The following NRG2 variants were observed in gnomAD, a reference collection of about 807,000 sequenced individuals.
The protein encoded by NRG2 is pro-neuregulin-2, membrane-bound isoform.
In NRG2, 27 loss-of-function variants were observed where a neutral mutation model predicts 73.9. That is an observed-to-expected ratio of 0.37 (90% CI 0.27 to 0.50). The LOEUF (loss-of-function observed/expected upper bound fraction) is 0.50. NRG2 is among the 20% of genes least tolerant of loss of function. The probability of loss-of-function intolerance (pLI) is 0.96; values close to 1 mark genes in which losing one functional copy is unlikely to be tolerated. For synonymous variants in NRG2, 532 were observed against 541.0 expected (o/e 0.98, Z 0.23); for missense variants, 1,126 against 1,210.1 (o/e 0.93, Z 1.03).
At chr5:139,942,945 A>G (rs567588630) in intron 1 of NRG2, among the ~76,000 whole-genome samples, 2 of 152,262 alleles carry the variant, frequency 1.3e-5, no homozygotes, top group Admixed American at 1.3e-4. Context: ...GTTTCAAGCA[A>G]TTCTCCCACC....
chr5:139,851,996 A>G lies in NRG2; in HGVS notation c.1545-165T>C, dbSNP rs535754917. Among the ~76,000 whole-genome samples, 2 of 152,274 alleles carry G rather than the reference A, an allele frequency of 1.3e-5. No individual in the cohort carries two copies. Among genetic ancestry groups the G allele is most frequent in the Non-Finnish European group, 2.9e-5 (2 of 68,016 alleles). On this transcript the variant is annotated intron_variant, in intron 8 of 9. Coordinates refer to ENST00000361474, the MANE Select transcript of NRG2 (RefSeq NM_004883.3). The surrounding 1 kb of genome is among the most constrained non-coding windows in gnomAD (Gnocchi z 4.2). ...TGTATTGTTGCAAATGCCCAACCCC[A>G]ATATTGGAAGAAGGAGGGCTGGGGT...
intron 1 of NRG2, among the ~76,000 whole-genome samples, chr5:140,006,532 G>T (rs953785869): frequency 6.6e-6 from 1 of 152,162 alleles, no homozygotes; most frequent in African/African-American, 2.4e-5. Context: ...TCTGAAAATT[G>T]GTTATAATAA....
At chr5:139,942,766 A>G (rs532185507) in intron 1 of NRG2, among the ~76,000 whole-genome samples, 2 of 152,226 alleles carry the variant, frequency 1.3e-5, no homozygotes, top group African/African-American at 4.8e-5. Flanking sequence ...TAATTAACTC[A>G]CCATTTGTAA....
At chr5:140,027,476 CA>C (rs1218114969) in intron 1 of NRG2, among the ~76,000 whole-genome samples, 1 of 152,176 alleles carries the variant, frequency 6.6e-6, no homozygotes, top group African/African-American at 2.4e-5. Context: ...CCGGAAAAAC[CA>C]TACACTTTTT....
intron 3 of NRG2, among the ~76,000 whole-genome samples, chr5:139,880,309 G>A (rs1453240242): frequency 1.3e-5 from 2 of 152,150 alleles, no homozygotes; most frequent in Non-Finnish European, 2.9e-5. Flanking sequence ...GAAGGTAAGA[G>A]GTGCCGTGAG....
intron 1 of NRG2, among the ~76,000 whole-genome samples, chr5:139,917,242 C>T (rs1751321252): frequency 6.6e-6 from 1 of 151,960 alleles, no homozygotes; most frequent in South Asian, 2.1e-4. Context: ...ACTTTATTGT[C>T]ATTTTGTTTC....
intron 1 of NRG2, among the ~76,000 whole-genome samples, chr5:139,897,010 C>T (rs752522772): frequency 7.9e-5 from 12 of 152,150 alleles, no homozygotes; most frequent in Non-Finnish European, 1.6e-4. Context: ...TACCACTTCC[C>T]TTCAGGAATC....
chr5:139,883,315 G>A (rs1015145497), intron 2 of NRG2, among the ~76,000 whole-genome samples: 5 of 147,810 alleles, frequency 3.4e-5, no homozygotes, highest in East Asian at 2.0e-4. Flanking sequence ...TTTCCTCAGC[G>A]CCTACCCCCG....
At chr5:139,913,217 A>G (rs1158941233) in intron 1 of NRG2, among the ~76,000 whole-genome samples, 1 of 152,178 alleles carries the variant, frequency 6.6e-6, no homozygotes, top group African/African-American at 2.4e-5. Flanking sequence ...CACCCTGCTC[A>G]TCATGCAACA....
chr5:139,935,143 G>A (rs1459653642), intron 1 of NRG2, among the ~76,000 whole-genome samples: 1 of 152,136 alleles, frequency 6.6e-6, no homozygotes, highest in African/African-American at 2.4e-5. Flanking sequence ...ACTCCAGCCT[G>A]GGCGACAGAG....
intron 1 of NRG2, among the ~76,000 whole-genome samples, chr5:139,983,090 A>G (rs970497143): frequency 1.3e-5 from 2 of 152,194 alleles, no homozygotes; most frequent in African/African-American, 2.4e-5. Flanking sequence ...AGTGTTGCAC[A>G]TTCCTGTGGA....
At chr5:139,948,348 T>C (rs1256974203) in intron 1 of NRG2, among the ~76,000 whole-genome samples, 1 of 152,168 alleles carries the variant, frequency 6.6e-6, no homozygotes, top group African/African-American at 2.4e-5. Context: ...ACCTTTCTAG[T>C]GGTGGGAAAG....
intron 1 of NRG2, among the ~76,000 whole-genome samples, chr5:140,010,691 A>G (rs1759295352): frequency 6.6e-6 from 1 of 152,080 alleles, no homozygotes; most frequent in Non-Finnish European, 1.5e-5. Flanking sequence ...AGGAATGTGT[A>G]CCTTAAGGTC....
chr5:140,018,506 C>A (rs1279030228), intron 1 of NRG2, among the ~76,000 whole-genome samples: 1 of 152,178 alleles, frequency 6.6e-6, no homozygotes, highest in African/African-American at 2.4e-5. Flanking sequence ...ATGCCACCCA[C>A]ATCATTGCCC....
At chr5:139,949,939 A>G (rs1331306481) in intron 1 of NRG2, among the ~76,000 whole-genome samples, 2 of 152,214 alleles carry the variant, frequency 1.3e-5, no homozygotes, top group African/African-American at 4.8e-5. Flanking sequence ...GTACTGCTAC[A>G]TTCTTTGCAT....
At chr5:139,999,308 A>G (rs1196513672) in intron 1 of NRG2, among the ~76,000 whole-genome samples, 1 of 152,210 alleles carries the variant, frequency 6.6e-6, no homozygotes, top group Non-Finnish European at 1.5e-5. Flanking sequence ...CAATTCTTGT[A>G]TTAGATTCTG....
chr5:139,938,850 AAGAGAGAGAGAGAG>A (rs61044289), intron 1 of NRG2, among the ~76,000 whole-genome samples: 32 of 95,088 alleles, frequency 3.4e-4, no homozygotes, highest in Admixed American at 6.0e-4. Context: ...ACAGAAAGGG[AAGAGAGAGAGAGAG>A]AGAGAGAGAG....
chr5:139,993,170 T>G (rs558661198), intron 1 of NRG2, among the ~76,000 whole-genome samples: 32 of 152,202 alleles, frequency 2.1e-4, no homozygotes, highest in African/African-American at 7.2e-4. Flanking sequence ...GTAAATTACC[T>G]TTAGGGAGAA....
intron 1 of NRG2, among the ~76,000 whole-genome samples, chr5:140,018,031 C>T (rs1214900082): frequency 6.6e-6 from 1 of 151,988 alleles, no homozygotes; most frequent in East Asian, 1.9e-4. Context: ...TCCCTCCAAA[C>T]ATGCAAAGTC....
Sources: allele counts gnomAD v4.1 joint callset (sites outside exome capture counted in the v4.1 genomes callset), GRCh38; gene constraint gnomAD v4.1.1; non-coding constraint Gnocchi (gnomAD v3.1); transcripts MANE v1.5; gene names NCBI Gene and HGNC (gene_info 2026-07-23, HGNC 2026-07-21).